Variants in DNAH9 observed in about 807,000 individuals in gnomAD.
DNAH9 encodes dynein axonemal heavy chain 9, also known as DNAH9 variant protein.
DNAH9 carries 345 observed loss-of-function variants against 471.6 expected under a neutral mutation model. The observed-to-expected ratio is 0.73, with a 90% CI of 0.67 to 0.80. The LOEUF is 0.80. DNAH9 is among the 30% of genes least tolerant of loss of function. DNAH9 has a pLI of 0.00. For synonymous variants in DNAH9, 2,093 were observed against 2,123.6 expected (o/e 0.99, Z 0.40); for missense variants, 5,407 against 5,609.2 (o/e 0.96, Z 1.15).
intron 26 of DNAH9, among the ~76,000 whole-genome samples, chr17:11,711,920 ATATAT>A (rs1425108728): frequency 0.012 from 845 of 70,416 alleles, 377 homozygotes; most frequent in Admixed American, 0.085. Flanking sequence ...ATATATATTT[ATATAT>A]AAATATATAT....
chr17:11,617,957 T>C (rs1393575477), intron 5 of DNAH9, among the ~76,000 whole-genome samples: 1 of 152,214 alleles, frequency 6.6e-6, no homozygotes, highest in Non-Finnish European at 1.5e-5. Context: ...GTGCAGCCTC[T>C]GATGTCAGGT....
chr17:11,673,303 G>A (rs1255433565), intron 17 of DNAH9, among the ~76,000 whole-genome samples: 2 of 152,118 alleles, frequency 1.3e-5, no homozygotes, highest in Non-Finnish European at 2.9e-5. Context: ...CTACCAACAT[G>A]CCTGCATTTG....
chr17:11,904,805 T>C (rs1050664829), intron 60 of DNAH9, among the ~76,000 whole-genome samples: 1 of 152,054 alleles, frequency 6.6e-6, no homozygotes, highest in Non-Finnish European at 1.5e-5. Flanking sequence ...TGCAAGTCTC[T>C]GTTAAGACCA....
At position 11,753,654 on chromosome 17, in the gene DNAH9, G is replaced by A. The variant is rs117167749; in HGVS notation, c.6738+694G>A. Reference sequence around the variant, plus strand: ...GCACTCCAGCCTGGGCAACAAGAGCGAAACTCCATCTCCAAAAACTAGCTG... The same window carrying A: ...GCACTCCAGCCTGGGCAACAAGAGCAAAACTCCATCTCCAAAAACTAGCTG... On this transcript the variant is annotated intron_variant, in intron 33 of 68. Coordinates refer to ENST00000262442, the MANE Select transcript of DNAH9 (RefSeq NM_001372.4). 5.8e-3 allele frequency among the ~76,000 whole-genome samples: 880 copies of A among 152,296 alleles called. 10 individuals carry two copies. The highest frequency in any genetic ancestry group is 0.023 in the South Asian group (110 of 4,820).
chr17:11,928,134 C>CATTCATTT (rs1974392909), intron 62 of DNAH9, among the ~76,000 whole-genome samples: 3 of 149,076 alleles, frequency 2.0e-5, no homozygotes, highest in East Asian at 2.2e-4. Context: ...TTCATTCATT[C>CATTCATTT]ATTTATTTAT....
In DNAH9 at chr17:11,892,769, G is replaced by C. The variant is rs556774947; in HGVS notation, c.11283+822G>C. 6.6e-6 allele frequency among the ~76,000 whole-genome samples: 1 copy of C among 151,984 alleles called. No individual in the cohort carries two copies. The highest frequency in any genetic ancestry group is 6.6e-5 in the Admixed American group (1 of 15,254). ...GGGTTTCACCATATTGGCCAGGCTC[G>C]TCTCAAACTCCTGACCTCAGGTGAT... On this transcript the variant is annotated intron_variant, in intron 58 of 68. Transcript: ENST00000262442. The surrounding 1 kb of genome is among the most constrained non-coding windows in gnomAD (Gnocchi z 4.3).
chr17:11,811,228 G>A (rs147620706), intron 45 of DNAH9, among the ~76,000 whole-genome samples: 8 of 152,052 alleles, frequency 5.3e-5, no homozygotes, highest in African/African-American at 1.2e-4. Context: ...CAGGAGAATC[G>A]CTTGAACCTG....
intron 67 of DNAH9, among the ~76,000 whole-genome samples, chr17:11,951,196 C>T (rs182290524): frequency 2.6e-5 from 4 of 152,194 alleles, no homozygotes; most frequent in East Asian, 3.9e-4. Context: ...CCATTGAAAA[C>T]GTCTTAAAAT....
chr17:11,955,578 G>A (rs1239779908), intron 67 of DNAH9, among the ~76,000 whole-genome samples: 2 of 152,198 alleles, frequency 1.3e-5, no homozygotes. Context: ...AAGGACTCAT[G>A]AGTTTCAGCA....
chr17:11,872,761 A>G (rs552035834), intron 52 of DNAH9, among the ~76,000 whole-genome samples: 2 of 152,238 alleles, frequency 1.3e-5, no homozygotes, highest in South Asian at 4.1e-4. Context: ...TCTACTAAAA[A>G]TACAAAAAAT....
At chr17:11,635,769 A>T (rs913621402) in intron 8 of DNAH9, among the ~76,000 whole-genome samples, 2 of 152,208 alleles carry the variant, frequency 1.3e-5, no homozygotes, top group African/African-American at 4.8e-5. Flanking sequence ...TTGCTGCTCC[A>T]TGAAACACTG....
intron 49 of DNAH9, among the ~76,000 whole-genome samples, chr17:11,844,458 T>A (rs1248444535): frequency 4.6e-5 from 7 of 152,116 alleles, no homozygotes; most frequent in Admixed American, 4.6e-4. Flanking sequence ...CAGGCTGGAG[T>A]GCAATGGAGC....
chr17:11,609,766 AG>A (rs1433405946), intron 2 of DNAH9, among the ~76,000 whole-genome samples: 1 of 152,214 alleles, frequency 6.6e-6, no homozygotes, highest in Non-Finnish European at 1.5e-5. Context: ...TGAGGGGAAA[AG>A]TTTGGGAATT....
At chr17:11,600,123 T>C (rs2072354132) in intron 1 of DNAH9, among the ~76,000 whole-genome samples, 1 of 152,072 alleles carries the variant, frequency 6.6e-6, no homozygotes, top group African/African-American at 2.4e-5. Context: ...ATCTCTTAGA[T>C]ATGGAGGTAT....
chr17:11,767,562 C>A (rs1968005538), intron 36 of DNAH9, among the ~76,000 whole-genome samples: 1 of 152,104 alleles, frequency 6.6e-6, no homozygotes, highest in Non-Finnish European at 1.5e-5. Context: ...CATTGTCCTG[C>A]CCTCCATGAA....
chr17:11,935,799 T>C (rs1974693427), intron 65 of DNAH9, among the ~76,000 whole-genome samples: 1 of 151,702 alleles, frequency 6.6e-6, no homozygotes, highest in Non-Finnish European at 1.5e-5. Flanking sequence ...AAAAAATTTC[T>C]TTAATTCATT....
chr17:11,619,532 T>C lies in DNAH9; in HGVS notation c.1117-16T>C, dbSNP rs2072811403. 1 of 1,484,246 alleles carries C rather than the reference T, an allele frequency of 6.7e-7. No homozygotes were observed. 91.9% of individuals were successfully genotyped at this position (1,484,246 alleles called of 1,614,324 possible). ...GTCTGCACCTGCTCAGTGATACTAA[T>C]CTGTTTGTATACCAGGCCTCTAATT... is the stretch of plus-strand genomic sequence containing the variant. On this transcript the variant is annotated splice_polypyrimidine_tract_variant and intron_variant, in intron 5 of 68. Coordinates refer to ENST00000262442, the MANE Select transcript of DNAH9 (RefSeq NM_001372.4).
At chr17:11,643,866 A>C (rs1236728126) in intron 10 of DNAH9, among the ~76,000 whole-genome samples, 1 of 152,216 alleles carries the variant, frequency 6.6e-6, no homozygotes, top group Admixed American at 6.5e-5. Flanking sequence ...CAATTGTAGC[A>C]CTATACTAAG....
intron 41 of DNAH9, among the ~76,000 whole-genome samples, chr17:11,790,607 G>C (rs1969029518): frequency 6.6e-6 from 1 of 151,848 alleles, no homozygotes; most frequent in Non-Finnish European, 1.5e-5. Context: ...GTTCTTTAAA[G>C]TCCCACCTGA....
Sources: gnomAD v4.1 joint callset for allele counts (sites outside exome capture counted in the v4.1 genomes callset) on GRCh38, gnomAD v4.1.1 for gene constraint, Gnocchi (gnomAD v3.1) non-coding constraint, MANE v1.5 for transcripts, NCBI Gene and HGNC (gene_info 2026-07-23, HGNC 2026-07-21) for gene names.